Variants in TIPRL observed in about 807,000 individuals in gnomAD.
The protein encoded by TIPRL is TIP41-like protein.
A neutral mutation model predicts 32.3 loss-of-function variants in TIPRL; 10 were observed. The ratio of observed to expected loss-of-function variants is 0.31; its 90% confidence interval spans 0.19 to 0.52. The LOEUF (loss-of-function observed/expected upper bound fraction) is 0.52, where lower values mean the gene tolerates loss of function less well. TIPRL is among the 20% of genes least tolerant of loss of function. TIPRL has a pLI of 0.96. For missense variants in TIPRL, 250 were observed against 328.1 expected (o/e 0.76, Z 1.84); for synonymous variants, 100 against 114.0 (o/e 0.88, Z 0.78).
rs924036316 is a variant in TIPRL at position 168,192,448 on chromosome 1, T to C, written c.516+948T>C. ...TTTACCACTGCATTATAATTGGGTC[T>C]CTAATACTTTCCAGAAATAACTCAA... is the stretch of plus-strand genomic sequence containing the variant. On this transcript the variant is annotated intron_variant, in intron 4 of 6. Transcript: ENST00000367833. 9 of 987,796 alleles carry C rather than the reference T, an allele frequency of 9.1e-6. No homozygotes were observed. In the African/African-American group the frequency reaches 1.6e-4, roughly 17 times the overall value. 61.2% of individuals were successfully genotyped at this position (987,796 alleles called of 1,614,324 possible). A position where few individuals can be genotyped will look rare whatever the true frequency, so the allele number is the denominator to read the frequency against.
chr1:168,186,535 T>C (rs2102307827), intron 3 of TIPRL, among the ~76,000 whole-genome samples: 1 of 152,134 alleles, frequency 6.6e-6, no homozygotes, highest in Non-Finnish European at 1.5e-5. Flanking sequence ...CAAATTTGGT[T>C]TAGGTTGAAT....
At chr1:168,191,924 T>TTA (rs1459651133) in intron 4 of TIPRL, among the ~76,000 whole-genome samples, 1 of 151,862 alleles carries the variant, frequency 6.6e-6, no homozygotes, top group African/African-American at 2.4e-5. Flanking sequence ...CAATTTCACT[T>TTA]GAATCTAGAG....
rs765840211 is a variant in TIPRL, at chr1:168,183,922, T to C, written c.125T>C (p.Met42Thr). 6.2e-7 allele frequency: 1 copy of C among 1,613,878 alleles called. No homozygotes were observed. Among genetic ancestry groups the C allele is most frequent in the African/African-American group, 1.3e-5 (1 of 74,936 alleles). ...DVEKLADELHMPSLPEMMFGD... is the reference protein window; with the variant it reads ...DVEKLADELHTPSLPEMMFGD... ...TATAGATTAGCCGATGAATTACATA[T>C]GCCATCTCTCCCTGAAATGATGTTT... is the stretch of plus-strand genomic sequence containing the variant. Residue 42 changes from methionine (M) to threonine (T), a missense_variant, in exon 2 of 7, where the codon ATG becomes ACG. Met to Thr is a moderately conservative substitution (Grantham distance 81). Coordinates refer to ENST00000367833, the MANE Select transcript of TIPRL (RefSeq NM_152902.5).
At position 168,200,493 on chromosome 1, in the gene TIPRL, C is replaced by T. The variant is rs1035677305; in HGVS notation, c.*447C>T. 1 of 153,490 alleles carries T rather than the reference C, an allele frequency of 6.5e-6. No individual in the cohort carries two copies. The highest frequency in any genetic ancestry group is 2.4e-5 in the African/African-American group (1 of 41,436). 9.5% of individuals were successfully genotyped at this position (153,490 alleles called of 1,614,324 possible). A position where few individuals can be genotyped will look rare whatever the true frequency, so the allele number is the denominator to read the frequency against. On this transcript the variant is annotated 3_prime_UTR_variant, in exon 7 of 7. Transcript: ENST00000367833. ...CTTTGGGCTTTCTGATGTTTATTCA[C>T]ACCTTTGGAGAGTTGCAACTTGCCA...
In TIPRL at chr1:168,183,974, T is replaced by C; in HGVS notation, c.177T>C (p.His59=). The change falls in exon 2 of 7, where the codon CAT becomes CAC. Residue 59 remains histidine, a synonymous_variant. Transcript: ENST00000367833. ...MFGDNVLRIQ[H]GSGFGIEFNA... ...GAGACAACGTTTTAAGAATCCAGCA[T>C]GGGTCTGGCTTTGGAATTGAGTTCA... The C allele has an allele frequency of 6.2e-7, 1 of 1,614,170 alleles. No homozygotes were observed. The highest frequency in any genetic ancestry group is 8.5e-7 in the Non-Finnish European group (1 of 1,180,010).
intron 3 of TIPRL, among the ~76,000 whole-genome samples, chr1:168,189,062 C>T (rs1469734075): frequency 1.3e-5 from 2 of 152,072 alleles, no homozygotes; most frequent in African/African-American, 4.8e-5. Flanking sequence ...GGAAATTCTC[C>T]AGGGTCCTTG....
At chr1:168,192,306 A>C (rs1409965567) in intron 4 of TIPRL, 19 of 1,048,222 alleles carry the variant, frequency 1.8e-5, no homozygotes, top group Non-Finnish European at 2.4e-5. Flanking sequence ...AGATCGCACC[A>C]CTGCACTCCA....
chr1:168,186,074 CAAAAAAAA>C (rs56699636), intron 3 of TIPRL, among the ~76,000 whole-genome samples: 17 of 56,052 alleles, frequency 3.0e-4, no homozygotes, highest in Non-Finnish European at 4.3e-4. Context: ...GACTCCGTCT[CAAAAAAAA>C]AAAAAAAAAA....
chr1:168,194,183 G>A (rs1700127714), intron 4 of TIPRL, among the ~76,000 whole-genome samples: 1 of 152,072 alleles, frequency 6.6e-6, no homozygotes, highest in African/African-American at 2.4e-5. Context: ...ATCATTATAA[G>A]TAGGCTTTTT....
At chr1:168,198,565 C>G (rs1700181334) in intron 5 of TIPRL, among the ~76,000 whole-genome samples, 1 of 152,122 alleles carries the variant, frequency 6.6e-6, no homozygotes. Context: ...AAAGATGTTT[C>G]AAACTTGAAG....
At chr1:168,186,789 C>T (rs185720542) in intron 3 of TIPRL, among the ~76,000 whole-genome samples, 1 of 152,122 alleles carries the variant, frequency 6.6e-6, no homozygotes, top group African/African-American at 2.4e-5. Flanking sequence ...GCCAAGATCA[C>T]GCCACAGTGC....
chr1:168,191,858 C>CAAAAAAAAAA (rs60988834), intron 4 of TIPRL, among the ~76,000 whole-genome samples: 7 of 38,874 alleles, frequency 1.8e-4, no homozygotes, highest in East Asian at 9.0e-4. Context: ...GGCGACAGAG[C>CAAAAAAAAAA]AAAAAAAAAA....
intron 5 of TIPRL, 83 bp downstream of exon 5, chr1:168,196,725 T>A: frequency 1.0e-6 from 1 of 971,574 alleles, no homozygotes; most frequent in Non-Finnish European, 1.5e-6. Context: ...AATTTGAAAT[T>A]AAACAATCTA....
chr1:168,199,984 A>G lies in TIPRL; in HGVS notation c.757A>G (p.Ile253Val), dbSNP rs1558166866. The G allele has an allele frequency of 6.2e-7, 1 of 1,613,708 alleles. No homozygotes were observed. The highest frequency in any genetic ancestry group is 8.5e-7 in the Non-Finnish European group (1 of 1,179,742). The change falls in exon 7 of 7, where the codon ATA (isoleucine) becomes GTA (valine). Residue 253 changes from isoleucine (I) to valine (V), a missense_variant. Coordinates refer to ENST00000367833, the MANE Select transcript of TIPRL (RefSeq NM_152902.5). ...PIKEAVCEKL[I>V]FPERIDPNPA... Reference sequence around the variant, plus strand: ...AAAGGAAGCAGTTTGTGAGAAGCTAATATTTCCAGAAAGAATTGATCCTAA... The same window carrying G: ...AAAGGAAGCAGTTTGTGAGAAGCTAGTATTTCCAGAAAGAATTGATCCTAA...
intron 1 of TIPRL, among the ~76,000 whole-genome samples, chr1:168,181,625 A>G (rs770632135): frequency 6.6e-6 from 1 of 151,056 alleles, no homozygotes; most frequent in African/African-American, 2.4e-5. Context: ...ATATAATTAT[A>G]TTATATATAA....
chr1:168,197,276 C>G (rs1405147273), intron 5 of TIPRL, among the ~76,000 whole-genome samples: 1 of 127,468 alleles, frequency 7.8e-6, no homozygotes, highest in Non-Finnish European at 1.6e-5. Flanking sequence ...AGAGCAAGAC[C>G]CTGTCTCAAA....
chr1:168,194,991 G>A lies in TIPRL; in HGVS notation c.517-1556G>A, dbSNP rs148617384. ...ATTGTGGTATGGAATGGTAAGAAAGGCCCCTCTGTGGAAGTGACATGTGTA... is the reference window on the plus strand; with the variant it reads ...ATTGTGGTATGGAATGGTAAGAAAGACCCCTCTGTGGAAGTGACATGTGTA... On this transcript the variant is annotated intron_variant, in intron 4 of 6. Coordinates refer to ENST00000367833, the MANE Select transcript of TIPRL (RefSeq NM_152902.5). 3.5e-4 allele frequency among the ~76,000 whole-genome samples: 53 copies of A among 152,270 alleles called. No homozygotes were observed. In the Middle Eastern group the frequency reaches 0.024, roughly 68 times the overall value.
At chr1:168,194,594 A>G (rs906124868) in intron 4 of TIPRL, among the ~76,000 whole-genome samples, 5 of 152,232 alleles carry the variant, frequency 3.3e-5, no homozygotes, top group Admixed American at 1.3e-4. Context: ...GTAATGTCAA[A>G]TAATAATGAT....
intron 4 of TIPRL, chr1:168,192,398 T>A: frequency 4.0e-6 from 4 of 1,011,926 alleles, no homozygotes; most frequent in Non-Finnish European, 4.8e-6. Flanking sequence ...AAAACACACA[T>A]AACAAGTATG....
Sources: gnomAD v4.1 joint callset for allele counts (sites outside exome capture counted in the v4.1 genomes callset) on GRCh38, gnomAD v4.1.1 for gene constraint, MANE v1.5 for transcripts, NCBI Gene and HGNC (gene_info 2026-07-23, HGNC 2026-07-21) for gene names.